CWF19L2: variants seen among roughly 807,000 people sequenced by gnomAD.
CWF19L2 encodes the protein CWF19 like cell cycle control factor 2, also known as CWF19-like protein 2.
Under a neutral mutation model 111.7 loss-of-function variants are expected in CWF19L2, and 98 were observed. The observed-to-expected ratio is 0.88, with a 90% CI of 0.75 to 1.04. The LOEUF (loss-of-function observed/expected upper bound fraction) is 1.04, where lower values mean the gene tolerates loss of function less well. CWF19L2 is among the 50% of genes least tolerant of loss of function. The pLI is 0.00. For missense variants in CWF19L2, 1,101 were observed against 1,051.4 expected, an observed-to-expected ratio of 1.05 and a Z score of -0.65; for synonymous variants, 351 against 342.9, an observed-to-expected ratio of 1.02 and a Z score of -0.26.
At chr11:107,402,193 A>G (rs1233329924) in intron 10 of CWF19L2, among the ~76,000 whole-genome samples, 1 of 152,144 alleles carries the variant, frequency 6.6e-6, no homozygotes, top group Non-Finnish European at 1.5e-5. Context: ...ATGACCAAGA[A>G]CCCAAAAGTA....
chr11:107,336,680 C>T lies in CWF19L2; in HGVS notation c.2236G>A (p.Asp746Asn). 6.6e-7 allele frequency: 1 copy of T among 1,523,914 alleles called. No homozygotes were observed. The highest frequency in any genetic ancestry group is 8.9e-7 in the Non-Finnish European group (1 of 1,123,896). The allele number at this position is 1,523,914 out of a possible 1,614,324, so 94.4% of individuals were successfully genotyped here. Reference protein sequence around the residue: ...FRKSLVKMFEDKGLDCIFLET... With the variant: ...FRKSLVKMFENKGLDCIFLET... Reference sequence around the variant, plus strand: ...AAAAAAATGCAGTCTAATCCTTTATCTTCAAACATCTTTACCAATGATTTT... The same window carrying T: ...AAAAAAATGCAGTCTAATCCTTTATTTTCAAACATCTTTACCAATGATTTT... Residue 746 changes from aspartate to asparagine, a missense_variant, in exon 15 of 18, where the codon GAT (aspartate) becomes AAT (asparagine). Asp to Asn is a conservative substitution (Grantham distance 23). Transcript: ENST00000282251.
intron 3 of CWF19L2, among the ~76,000 whole-genome samples, chr11:107,444,774 C>T (rs987884505): frequency 6.6e-6 from 1 of 152,140 alleles, no homozygotes; most frequent in South Asian, 2.1e-4. Flanking sequence ...AACAACCAAC[C>T]ACCCACTTAA....
rs1359902021 is a variant in CWF19L2, at chr11:107,443,062, A to G, written c.340-13T>C. On this transcript the variant is annotated splice_polypyrimidine_tract_variant and intron_variant, in intron 3 of 17. Transcript: ENST00000282251. The stretch of plus-strand genomic sequence containing the variant: ...CATCTTCAGAGCTCTAAGAACATTT[A>G]GCATATAAGTGAAATTGTCAAATTT... 1.0e-5 allele frequency: 15 copies of G among 1,491,944 alleles called. No homozygotes were observed. Among genetic ancestry groups the G allele is most frequent in the Admixed American group, 2.0e-5 (1 of 50,772 alleles). 92.4% of individuals were successfully genotyped at this position (1,491,944 alleles called of 1,614,324 possible). A position where few individuals can be genotyped will look rare whatever the true frequency, so the allele number is the denominator to read the frequency against.
rs770022378 is a variant in CWF19L2, at chr11:107,349,033, G to A, written c.2106C>T (p.Asn702=). Residue 702 remains asparagine (N), a synonymous_variant, in exon 14 of 18, where the codon AAC becomes AAT. Transcript: ENST00000282251. ...AGTGCCCCTCAGTAAGAGACCGTAC[G>A]TTGGGTAAACATAAATAAACCTATA... The part of the protein sequence containing the change: ...IGVKVYLCLP[N]VRSLTEGHCL... 8.7e-6 allele frequency: 14 copies of A among 1,602,014 alleles called. No individual in the cohort carries two copies. The highest frequency in any genetic ancestry group is 5.4e-5 in the African/African-American group (4 of 74,602).
chr11:107,447,399 C>A (rs769045021), intron 3 of CWF19L2, among the ~76,000 whole-genome samples: 6 of 152,000 alleles, frequency 3.9e-5, no homozygotes, highest in Admixed American at 6.6e-5. Context: ...CAAGGTCAGG[C>A]AAAGAAAAAT....
chr11:107,351,279 A>C (rs1297623121), intron 13 of CWF19L2, among the ~76,000 whole-genome samples: 6 of 152,206 alleles, frequency 3.9e-5, no homozygotes, highest in African/African-American at 1.4e-4. Context: ...ATGGACAGTA[A>C]GGAGTGAGGG....
In CWF19L2 at chr11:107,371,773, G is replaced by A. The variant is rs112556989; in HGVS notation, c.1873-18037C>T. On this transcript the variant is annotated intron_variant, in intron 12 of 17. Transcript: ENST00000282251. ...AAAACCTGAAGATGACAATTTCTCC[G>A]CAGCTCGGTCATTGCTGTCACCATT... 3.6e-3 allele frequency among the ~76,000 whole-genome samples: 498 copies of A among 136,740 alleles called. 82 individuals carry two copies. The highest frequency in any genetic ancestry group is 6.7e-3 in the South Asian group (27 of 4,032). 89.7% of individuals were successfully genotyped at this position (136,740 alleles called of 152,430 possible).
chr11:107,386,826 T>C (rs1860773314), intron 12 of CWF19L2, among the ~76,000 whole-genome samples: 1 of 152,050 alleles, frequency 6.6e-6, no homozygotes, highest in South Asian at 2.1e-4. Flanking sequence ...GAGTCTGAGA[T>C]GGGCGGATCA....
In CWF19L2 at chr11:107,392,823, C is replaced by T. The variant is rs750176833; in HGVS notation, c.1690G>A (p.Gly564Arg). ...SGRVWPVNTP[G>R]KSLESQGGRR... ...CCTCCTTGTGATTCCAGAGATTTTCCGGGTGTGTTCACAGGCCATACTCTT... is the reference window on the plus strand; with the variant it reads ...CCTCCTTGTGATTCCAGAGATTTTCTGGGTGTGTTCACAGGCCATACTCTT... Residue 564 changes from glycine to arginine, a missense_variant, in exon 11 of 18, where the codon GGA becomes AGA. Transcript: ENST00000282251. 25 of 1,595,380 alleles carry T rather than the reference C, an allele frequency of 1.6e-5. No homozygotes were observed. Among genetic ancestry groups the T allele is most frequent in the African/African-American group, 2.7e-5 (2 of 73,190 alleles).
In CWF19L2 at chr11:107,370,570, T is replaced by C. The variant is rs1426973963; in HGVS notation, c.1873-16834A>G. ...AAGGGAAAAAAAAAAAACAACTGCA[T>C]GGCCTGGGAAAAGAGAAGAAATCAC... On this transcript the variant is annotated intron_variant, in intron 12 of 17. Transcript: ENST00000282251. 2.3e-5 allele frequency among the ~76,000 whole-genome samples: 3 copies of C among 131,120 alleles called. 1 individual carries two copies. Among genetic ancestry groups the C allele is most frequent in the Non-Finnish European group, 4.8e-5 (3 of 62,688 alleles). 86.0% of individuals were successfully genotyped at this position (131,120 alleles called of 152,430 possible).
intron 8 of CWF19L2, among the ~76,000 whole-genome samples, chr11:107,427,433 A>G (rs147502016): frequency 1.3e-3 from 205 of 152,214 alleles, no homozygotes; most frequent in African/African-American, 4.4e-3. Context: ...AATTATATAC[A>G]TACACAGCTT....
chr11:107,387,219 C>A (rs763237552), intron 12 of CWF19L2, among the ~76,000 whole-genome samples: 33 of 152,044 alleles, frequency 2.2e-4, no homozygotes, highest in Non-Finnish European at 4.4e-4. Context: ...GTCCCTCCTG[C>A]AATTTTTCCC....
intron 11 of CWF19L2, among the ~76,000 whole-genome samples, chr11:107,390,832 G>A (rs1348127393): frequency 6.6e-6 from 1 of 152,152 alleles, no homozygotes; most frequent in East Asian, 1.9e-4. Flanking sequence ...TGAGGGTGTT[G>A]CTAAAGGAGA....
chr11:107,390,581 G>A (rs1860833000), intron 11 of CWF19L2, among the ~76,000 whole-genome samples: 1 of 152,192 alleles, frequency 6.6e-6, no homozygotes, highest in Non-Finnish European at 1.5e-5. Context: ...AATGGAGTAA[G>A]TATATCAAAA....
At chr11:107,396,951 T>C (rs1008570877) in intron 10 of CWF19L2, among the ~76,000 whole-genome samples, 5 of 151,850 alleles carry the variant, frequency 3.3e-5, no homozygotes, top group Non-Finnish European at 7.4e-5. Flanking sequence ...TTACTTGGAG[T>C]TGAGTCAAGT....
chr11:107,442,083 C>A (rs1861625986), intron 4 of CWF19L2, among the ~76,000 whole-genome samples: 1 of 152,094 alleles, frequency 6.6e-6, no homozygotes, highest in Admixed American at 6.6e-5. Context: ...TGTGATGGAA[C>A]TCCACTCACT....
chr11:107,437,388 C>T (rs1422683766), intron 6 of CWF19L2, among the ~76,000 whole-genome samples: 3 of 152,168 alleles, frequency 2.0e-5, no homozygotes, highest in Admixed American at 1.3e-4. Flanking sequence ...AACAATAACA[C>T]TATGTCACCT....
At chr11:107,343,916 T>C (rs1047067447) in intron 14 of CWF19L2, among the ~76,000 whole-genome samples, 3 of 152,132 alleles carry the variant, frequency 2.0e-5, no homozygotes, top group Non-Finnish European at 2.9e-5. Flanking sequence ...TCCACATACA[T>C]TTGGAAACAC....
rs1288491058 is a variant in CWF19L2 at position 107,429,454 on chromosome 11, A to G, written c.781-3T>C. 6.5e-7 allele frequency: 1 copy of G among 1,527,060 alleles called. No individual in the cohort carries two copies. The highest frequency in any genetic ancestry group is 8.8e-7 in the Non-Finnish European group (1 of 1,138,224). The allele number at this position is 1,527,060 out of a possible 1,614,324, so 94.6% of individuals were successfully genotyped here. On this transcript the variant is annotated splice_region_variant and splice_polypyrimidine_tract_variant and intron_variant, in intron 7 of 17. Transcript: ENST00000282251. ...TTTGACTGAAATATTTCCATTGACT[A>G]CAAAGGAGAAAAATTAAACAAGATA...
Sources: gnomAD v4.1 joint callset for allele counts (sites outside exome capture counted in the v4.1 genomes callset) on GRCh38, gnomAD v4.1.1 for gene constraint, MANE v1.5 for transcripts, NCBI Gene and HGNC (gene_info 2026-07-23, HGNC 2026-07-21) for gene names.